Variants in TMEM244 observed in about 807,000 individuals in gnomAD.
TMEM244 encodes transmembrane protein 244.
TMEM244 carries 13 observed loss-of-function variants against 15.8 expected under a neutral mutation model. That is an observed-to-expected ratio of 0.82 (90% CI 0.53 to 1.30). The LOEUF is 1.30. TMEM244 is among the 50% of genes most tolerant of loss of function. The pLI is 0.00. For synonymous variants in TMEM244, 45 were observed against 48.7 expected (o/e 0.92, Z 0.32); for missense variants, 161 against 144.9 (o/e 1.11, Z -0.57).
At chr6:129,861,066 C>T in intron 1 of TMEM244, 90 bp downstream of exon 1, 5 of 1,438,160 alleles carry the variant, frequency 3.5e-6, no homozygotes, top group Non-Finnish European at 4.9e-6. Flanking sequence ...AAGTTGCCCA[C>T]TGACAGAGAG....
intron 1 of TMEM244, among the ~76,000 whole-genome samples, chr6:129,851,098 A>G (rs572005782): frequency 2.6e-5 from 4 of 152,070 alleles, no homozygotes; most frequent in South Asian, 2.1e-4. Flanking sequence ...TTTCATTTGC[A>G]TTTCACAGAC....
At chr6:129,837,065 A>G (rs58891641) in intron 3 of TMEM244, among the ~76,000 whole-genome samples, 22,539 of 152,190 alleles carry the variant, frequency 0.15, 1,829 homozygotes, top group South Asian at 0.24. Context: ...AATTCAGAAA[A>G]TAGAGAGACA....
chr6:129,833,495 GA>G lies in TMEM244; in HGVS notation c.283del (p.Ser95GlnfsTer19). 6.2e-7 allele frequency: 1 copy of G among 1,613,018 alleles called. No homozygotes were observed. The highest frequency in any genetic ancestry group is 8.5e-7 in the Non-Finnish European group (1 of 1,179,560). Reference protein sequence around the residue: ...VEEWVWDYAISVTILHVAITS... With the variant: ...VEEWVWDYAIXVTILHVAITS... ...GATGGCAACATGAAGAATAGTGACT[GA>G]AATAGCATAATCCCAAACCCATTCT... On this transcript the variant is annotated frameshift_variant, in exon 4 of 5. Coordinates refer to ENST00000368143, the MANE Select transcript of TMEM244 (RefSeq NM_001010876.2). LOFTEE classifies it high-confidence loss of function.
chr6:129,848,952 G>A (rs6901057), intron 1 of TMEM244, among the ~76,000 whole-genome samples: 114,755 of 151,896 alleles, frequency 0.76, 44,289 homozygotes, highest in Non-Finnish European at 0.81. Flanking sequence ...ATCTCTGTTA[G>A]TATTAAACTT....
At chr6:129,859,426 G>C (rs771742371) in intron 1 of TMEM244, among the ~76,000 whole-genome samples, 1 of 152,216 alleles carries the variant, frequency 6.6e-6, no homozygotes, top group Non-Finnish European at 1.5e-5. Flanking sequence ...CGTCCTACTG[G>C]TAAGTAGTTC....
intron 1 of TMEM244, among the ~76,000 whole-genome samples, chr6:129,853,304 C>T (rs1776659512): frequency 1.3e-5 from 2 of 152,118 alleles, no homozygotes; most frequent in Non-Finnish European, 2.9e-5. Flanking sequence ...AAAACTAACT[C>T]CCACTCATCT....
intron 2 of TMEM244, among the ~76,000 whole-genome samples, chr6:129,843,993 A>G (rs1344045571): frequency 5.3e-5 from 8 of 152,224 alleles, no homozygotes; most frequent in Non-Finnish European, 1.2e-4. Context: ...ATGGTGCTAT[A>G]ACATATTTTT....
intron 1 of TMEM244, among the ~76,000 whole-genome samples, chr6:129,859,731 C>T (rs942626181): frequency 2.0e-5 from 3 of 152,204 alleles, no homozygotes; most frequent in Non-Finnish European, 4.4e-5. Context: ...GTCAGCTTTT[C>T]TGTCATTTAA....
rs1776806872 is a variant in TMEM244 at position 129,861,294 on chromosome 6, A to G, written c.-106T>C. 2.3e-6 allele frequency: 3 copies of G among 1,328,354 alleles called. No homozygotes were observed. Among genetic ancestry groups the G allele is most frequent in the African/African-American group, 2.9e-5 (2 of 68,754 alleles). 82.3% of individuals were successfully genotyped at this position (1,328,354 alleles called of 1,614,324 possible). A position where few individuals can be genotyped will look rare whatever the true frequency, so the allele number is the denominator to read the frequency against. On this transcript the variant is annotated 5_prime_UTR_variant, in exon 1 of 5. Coordinates refer to ENST00000368143, the MANE Select transcript of TMEM244 (RefSeq NM_001010876.2). ...GTGAGCTTTTCAATTACTCCTGGAGACTAAGTGTGAGACGCAGTAGTGCAG... is the reference window on the plus strand; with the variant it reads ...GTGAGCTTTTCAATTACTCCTGGAGGCTAAGTGTGAGACGCAGTAGTGCAG...
At chr6:129,857,327 C>CAG (rs1776727316) in intron 1 of TMEM244, among the ~76,000 whole-genome samples, 1 of 151,186 alleles carries the variant, frequency 6.6e-6, no homozygotes, top group Non-Finnish European at 1.5e-5. Context: ...TACACACACA[C>CAG]ACACACACAC....
At chr6:129,855,831 G>C (rs1457374449) in intron 1 of TMEM244, among the ~76,000 whole-genome samples, 1 of 151,904 alleles carries the variant, frequency 6.6e-6, no homozygotes, top group Non-Finnish European at 1.5e-5. Flanking sequence ...TATTTTCATT[G>C]CACTGTTCAT....
rs73597647 is a variant in TMEM244 at position 129,844,151 on chromosome 6, C to T, written c.120-548G>A. On this transcript the variant is annotated intron_variant, in intron 2 of 4. Transcript: ENST00000368143. The stretch of plus-strand genomic sequence containing the variant: ...ATACCATTTGTATTAAAAAAACCTG[C>T]TAAGCAGAAAAAAGTGAAGTGAGCT... Among the ~76,000 whole-genome samples, 1,277 of 152,146 alleles carry T rather than the reference C, an allele frequency of 8.4e-3. 23 individuals are homozygous for T. Among genetic ancestry groups the T allele is most frequent in the African/African-American group, 0.026 (1,089 of 41,492 alleles).
intron 3 of TMEM244, among the ~76,000 whole-genome samples, chr6:129,841,604 A>AT (rs1776492488): frequency 6.6e-6 from 1 of 152,084 alleles, no homozygotes; most frequent in Non-Finnish European, 1.5e-5. Context: ...GTTGAGCAAG[A>AT]TTTTAACTTT....
chr6:129,860,704 C>G (rs1031621448), intron 1 of TMEM244, among the ~76,000 whole-genome samples: 3 of 151,550 alleles, frequency 2.0e-5, no homozygotes, highest in Non-Finnish European at 4.4e-5. Context: ...TTAACACTAG[C>G]CTCGGGGGAA....
At chr6:129,845,664 C>A in intron 2 of TMEM244, 103 bp downstream of exon 2, 1 of 891,270 alleles carries the variant, frequency 1.1e-6, no homozygotes, top group East Asian at 2.6e-5. Flanking sequence ...TTAAAAAAAT[C>A]CACATCCTCT....
At chr6:129,859,157 A>G (rs1166105493) in intron 1 of TMEM244, among the ~76,000 whole-genome samples, 12 of 152,202 alleles carry the variant, frequency 7.9e-5, no homozygotes, top group Admixed American at 7.2e-4. Flanking sequence ...TTTCTCCCCC[A>G]GTTCATCACT....
intron 1 of TMEM244, among the ~76,000 whole-genome samples, chr6:129,849,783 G>A (rs10872348): frequency 0.74 from 112,456 of 151,752 alleles, 42,612 homozygotes; most frequent in Non-Finnish European, 0.81. Context: ...AGAAATGGCT[G>A]CAATGCAAGG....
intron 1 of TMEM244, among the ~76,000 whole-genome samples, chr6:129,858,379 G>T (rs1304523896): frequency 6.6e-6 from 1 of 152,080 alleles, no homozygotes; most frequent in African/African-American, 2.4e-5. Flanking sequence ...TTAGTCTATG[G>T]AAACTGGAAG....
chr6:129,852,890 T>A (rs1368651799), intron 1 of TMEM244, among the ~76,000 whole-genome samples: 3 of 151,956 alleles, frequency 2.0e-5, no homozygotes, highest in Non-Finnish European at 4.4e-5. Flanking sequence ...CCTCACCATC[T>A]CCCTCTTTTC....
Sources: allele counts gnomAD v4.1 joint callset (sites outside exome capture counted in the v4.1 genomes callset), GRCh38; gene constraint gnomAD v4.1.1; transcripts MANE v1.5; gene names NCBI Gene and HGNC (gene_info 2026-07-23, HGNC 2026-07-21).